Variants in CEP126 observed in about 807,000 individuals in gnomAD.
CEP126 encodes centrosomal protein 126.
In CEP126, 74 loss-of-function variants were observed where a neutral mutation model predicts 107.8. The observed-to-expected ratio is 0.69, with a 90% CI of 0.57 to 0.83. The LOEUF (loss-of-function observed/expected upper bound fraction) is 0.83. CEP126 is among the 40% of genes least tolerant of loss of function. The pLI, the probability that CEP126 is intolerant of heterozygous loss-of-function variation, is 0.00. For missense variants in CEP126, 1,237 were observed against 1,281.9 expected, an observed-to-expected ratio of 0.96 and a Z score of 0.53; for synonymous variants, 449 against 446.0, an observed-to-expected ratio of 1.01 and a Z score of -0.08.
At chr11:101,950,067 G>A (rs185877681) in intron 4 of CEP126, among the ~76,000 whole-genome samples, 4 of 152,288 alleles carry the variant, frequency 2.6e-5, no homozygotes, top group African/African-American at 9.6e-5. Context: ...TTGGAGCAGA[G>A]TCAAGTAGAG....
At chr11:101,994,971 C>T (rs1246651304) in intron 10 of CEP126, among the ~76,000 whole-genome samples, 4 of 151,574 alleles carry the variant, frequency 2.6e-5, no homozygotes, top group Non-Finnish European at 5.9e-5. Context: ...GTTTGCTGCA[C>T]CCATCAACCC....
In CEP126 at chr11:101,930,493, G is replaced by A. The variant is rs1940481060; in HGVS notation, c.248+7733G>A. Among the ~76,000 whole-genome samples, 5 of 152,298 alleles carry A rather than the reference G, an allele frequency of 3.3e-5. No homozygotes were observed. The South Asian group carries it at 1.0e-3, about 32-fold the overall frequency. On this transcript the variant is annotated intron_variant, in intron 2 of 10. Transcript: ENST00000263468. Reference sequence around the variant, plus strand: ...CGCGGTGAGTGTTACAGCTCTTAAAGGTGGTGCGGACCCAAAGAGTGACCA... The same window carrying A: ...CGCGGTGAGTGTTACAGCTCTTAAAAGTGGTGCGGACCCAAAGAGTGACCA...
intron 2 of CEP126, among the ~76,000 whole-genome samples, chr11:101,931,050 A>T (rs1159599060): frequency 6.6e-6 from 1 of 152,052 alleles, no homozygotes. Context: ...AATATTTCTA[A>T]TACATTTTAA....
intron 9 of CEP126, among the ~76,000 whole-genome samples, chr11:101,988,748 A>T (rs914188866): frequency 6.6e-6 from 1 of 150,634 alleles, no homozygotes; most frequent in African/African-American, 2.4e-5. Flanking sequence ...AAAAACGAAG[A>T]GACTTTGTTA....
chr11:101,926,407 T>G (rs1285434724), intron 2 of CEP126, among the ~76,000 whole-genome samples: 1 of 152,208 alleles, frequency 6.6e-6, no homozygotes, highest in Non-Finnish European at 1.5e-5. Flanking sequence ...TGGAAGAGTA[T>G]CAGGAGAGGA....
chr11:102,000,798 T>C lies in CEP126; in HGVS notation c.*3155T>C, dbSNP rs1421969382. 6.6e-6 allele frequency: 1 copy of C among 152,130 alleles called. No homozygotes were observed. The highest frequency in any genetic ancestry group is 1.5e-5 in the Non-Finnish European group (1 of 68,006). The allele number at this position is 152,130 out of a possible 1,614,324, so 9.4% of individuals were successfully genotyped here. A position where few individuals can be genotyped will look rare whatever the true frequency, so the allele number is the denominator to read the frequency against. ...TCCGAGAGGCAGGGCAACTAATAAC[T>C]GGTCAGAAAAATTTAGACGGTCTTC... On this transcript the variant is annotated 3_prime_UTR_variant, in exon 11 of 11. Coordinates refer to ENST00000263468, the MANE Select transcript of CEP126 (RefSeq NM_020802.4).
chr11:101,952,130 T>G (rs1341989236), intron 4 of CEP126, among the ~76,000 whole-genome samples: 2 of 152,070 alleles, frequency 1.3e-5, no homozygotes, highest in Non-Finnish European at 2.9e-5. Flanking sequence ...GGGAGGAAAT[T>G]TCAACCAGAA....
intron 1 of CEP126, among the ~76,000 whole-genome samples, chr11:101,918,264 G>A (rs560921968): frequency 8.5e-5 from 13 of 152,172 alleles, no homozygotes; most frequent in South Asian, 6.2e-4. Context: ...CCTGGGCAAC[G>A]TGGTGAAACC....
intron 6 of CEP126, among the ~76,000 whole-genome samples, chr11:101,971,572 T>TTTG (rs1565365139): frequency 1.3e-5 from 2 of 150,514 alleles, no homozygotes; most frequent in Non-Finnish European, 3.0e-5. Flanking sequence ...TTGTTTGTTT[T>TTTG]TTTAGGTGGG....
intron 2 of CEP126, among the ~76,000 whole-genome samples, chr11:101,938,293 A>C (rs1337885130): frequency 1.3e-5 from 2 of 150,608 alleles, no homozygotes; most frequent in Non-Finnish European, 1.5e-5. Flanking sequence ...CCTGTCTTGC[A>C]TTCATGATAT....
At chr11:101,951,789 T>C (rs1290749405) in intron 4 of CEP126, among the ~76,000 whole-genome samples, 1 of 152,210 alleles carries the variant, frequency 6.6e-6, no homozygotes, top group Non-Finnish European at 1.5e-5. Flanking sequence ...TAAATATCCA[T>C]GTAGAAATGT....
intron 2 of CEP126, among the ~76,000 whole-genome samples, chr11:101,939,506 T>C (rs1940637487): frequency 6.6e-6 from 1 of 152,226 alleles, no homozygotes; most frequent in Admixed American, 6.5e-5. Context: ...CAATTGGGTC[T>C]TACTTTGTAT....
intron 4 of CEP126, 34 bp downstream of exon 4, chr11:101,948,176 A>G (rs371059716): frequency 7.3e-5 from 92 of 1,255,724 alleles, no homozygotes; most frequent in African/African-American, 4.0e-4. Flanking sequence ...TACAATTATT[A>G]CAATAATTGT....
intron 4 of CEP126, chr11:101,956,816 T>C: frequency 2.3e-6 from 1 of 431,718 alleles, no homozygotes; most frequent in Non-Finnish European, 4.6e-6. Flanking sequence ...TACCTCCCCA[T>C]CTCCTTTTAT....
chr11:101,921,348 A>G (rs564814599), intron 1 of CEP126, among the ~76,000 whole-genome samples: 49 of 152,290 alleles, frequency 3.2e-4, no homozygotes, highest in African/African-American at 1.1e-3. Flanking sequence ...GTAAAATACA[A>G]TCTTCTTATT....
At chr11:101,958,761 A>C (rs2137109081) in intron 5 of CEP126, among the ~76,000 whole-genome samples, 1 of 152,326 alleles carries the variant, frequency 6.6e-6, no homozygotes, top group South Asian at 2.1e-4. Flanking sequence ...ATGTCCATCC[A>C]TGTACTTTAT....
intron 6 of CEP126, among the ~76,000 whole-genome samples, chr11:101,968,194 G>C (rs1000061786): frequency 6.6e-6 from 1 of 152,106 alleles, no homozygotes; most frequent in East Asian, 1.9e-4. Flanking sequence ...CAATGATCTA[G>C]TAGGAAGAAA....
intron 2 of CEP126, among the ~76,000 whole-genome samples, chr11:101,935,800 T>C (rs1002020209): frequency 2.6e-5 from 4 of 151,984 alleles, no homozygotes; most frequent in African/African-American, 9.7e-5. Flanking sequence ...CATATAGGAA[T>C]TTTAGGATGA....
chr11:101,932,491 A>G (rs1237276436), intron 2 of CEP126, among the ~76,000 whole-genome samples: 1 of 152,194 alleles, frequency 6.6e-6, no homozygotes, highest in Non-Finnish European at 1.5e-5. Context: ...TGACTTTTGG[A>G]TAATTACAAG....
Sources: gnomAD v4.1 joint callset for allele counts (sites outside exome capture counted in the v4.1 genomes callset) on GRCh38, gnomAD v4.1.1 for gene constraint, MANE v1.5 for transcripts, NCBI Gene and HGNC (gene_info 2026-07-23, HGNC 2026-07-21) for gene names.